Variants in CSMD1 observed in about 807,000 individuals in gnomAD.
The protein encoded by CSMD1 is CUB and sushi domain-containing protein 1.
Under a neutral mutation model 417.5 loss-of-function variants are expected in CSMD1, and 213 were observed. The observed-to-expected ratio is 0.51, with a 90% confidence interval of 0.46 to 0.57. The LOEUF is 0.57. Ranked by LOEUF, CSMD1 falls within the 20% of genes least tolerant of loss-of-function variation. The pLI is 0.00. For missense variants in CSMD1, 6,923 were observed against 4,529.7 expected, an observed-to-expected ratio of 1.53 and a Z score of -15.17; for synonymous variants, 2,862 against 1,736.8, an observed-to-expected ratio of 1.65 and a Z score of -16.11.
intron 8 of CSMD1, among the ~76,000 whole-genome samples, chr8:3,605,697 G>A (rs375676833): frequency 1.3e-3 from 195 of 152,190 alleles, no homozygotes; most frequent in African/African-American, 4.5e-3. Context: ...AATATGCTAA[G>A]ACAAAGAACA....
intron 26 of CSMD1, among the ~76,000 whole-genome samples, chr8:3,243,819 ATATT>A (rs1221545911): frequency 2.7e-5 from 4 of 148,304 alleles, no homozygotes; most frequent in East Asian, 1.9e-4. Context: ...GATGAATATT[ATATT>A]TATATGTATA....
At chr8:3,877,451 C>G (rs1023816893) in intron 5 of CSMD1, among the ~76,000 whole-genome samples, 2 of 152,184 alleles carry the variant, frequency 1.3e-5, no homozygotes, top group African/African-American at 4.8e-5. Flanking sequence ...TTCTCTTAAT[C>G]TAGCAGGCCC....
intron 41 of CSMD1, among the ~76,000 whole-genome samples, chr8:3,140,972 G>C (rs758260562): frequency 1.3e-5 from 2 of 152,068 alleles, no homozygotes; most frequent in Non-Finnish European, 2.9e-5. Context: ...AACAATGCAG[G>C]TACCCATTAT....
chr8:4,748,858 T>C (rs1811125973), intron 1 of CSMD1, among the ~76,000 whole-genome samples: 1 of 152,266 alleles, frequency 6.6e-6, no homozygotes, highest in Non-Finnish European at 1.5e-5. Flanking sequence ...CATACGCCCC[T>C]TCAGGAGAGT....
At chr8:4,228,410 G>C (rs1327111007) in intron 3 of CSMD1, among the ~76,000 whole-genome samples, 2 of 151,846 alleles carry the variant, frequency 1.3e-5, no homozygotes, top group Non-Finnish European at 2.9e-5. Context: ...CCCATATTTT[G>C]CTGAATTTAA....
At chr8:4,350,908 C>T (rs1303126899) in intron 3 of CSMD1, among the ~76,000 whole-genome samples, 3 of 152,116 alleles carry the variant, frequency 2.0e-5, no homozygotes, top group African/African-American at 4.8e-5. Context: ...TAAGGTGGGC[C>T]GTGCTTACAG....
At chr8:4,461,559 G>C (rs1221717723) in intron 2 of CSMD1, among the ~76,000 whole-genome samples, 1 of 148,350 alleles carries the variant, frequency 6.7e-6, no homozygotes, top group African/African-American at 2.6e-5. Context: ...GGTGGGTGGG[G>C]GTGGGGTGTT....
At chr8:4,010,359 A>T (rs750136616) in intron 4 of CSMD1, among the ~76,000 whole-genome samples, 8 of 152,176 alleles carry the variant, frequency 5.3e-5, no homozygotes, top group Admixed American at 2.6e-4. Flanking sequence ...TATTCCAAGA[A>T]GATTTAAACT....
At chr8:4,598,533 G>A (rs562265829) in intron 2 of CSMD1, among the ~76,000 whole-genome samples, 1 of 152,144 alleles carries the variant, frequency 6.6e-6, no homozygotes, top group African/African-American at 2.4e-5. Flanking sequence ...TAGTTACAAT[G>A]TATCTGCCAA....
intron 2 of CSMD1, among the ~76,000 whole-genome samples, chr8:4,628,887 C>T (rs17070890): frequency 0.08 from 12,214 of 152,126 alleles, 751 homozygotes; most frequent in East Asian, 0.26. Flanking sequence ...AGTTTTTACA[C>T]GCCTTTTATT....
intron 20 of CSMD1, among the ~76,000 whole-genome samples, chr8:3,366,177 G>C (rs989014641): frequency 6.6e-6 from 1 of 152,192 alleles, no homozygotes; most frequent in Non-Finnish European, 1.5e-5. Flanking sequence ...ATGCACAAAT[G>C]CAAGTTAATA....
At chr8:2,982,852 T>C (rs1563204588) in intron 54 of CSMD1, among the ~76,000 whole-genome samples, 1 of 152,146 alleles carries the variant, frequency 6.6e-6, no homozygotes, top group East Asian at 1.9e-4. Context: ...TCTCCAGCTG[T>C]TGATCAATAG....
intron 26 of CSMD1, among the ~76,000 whole-genome samples, chr8:3,273,139 G>A (rs1396290638): frequency 1.3e-5 from 2 of 151,558 alleles, no homozygotes; most frequent in Non-Finnish European, 2.9e-5. Context: ...TTTTTAGTAT[G>A]AAAGGTTGTT....
intron 2 of CSMD1, among the ~76,000 whole-genome samples, chr8:4,440,687 G>C (rs1359697732): frequency 6.6e-6 from 1 of 152,166 alleles, no homozygotes; most frequent in Non-Finnish European, 1.5e-5. Context: ...TCACATCAAT[G>C]TATTATTTTA....
intron 12 of CSMD1, among the ~76,000 whole-genome samples, chr8:3,438,135 G>C (rs1814697016): frequency 6.6e-6 from 1 of 152,074 alleles, no homozygotes; most frequent in Non-Finnish European, 1.5e-5. Context: ...TCTGTGATTT[G>C]GTAAATAATT....
intron 3 of CSMD1, among the ~76,000 whole-genome samples, chr8:4,140,560 A>C (rs1272589302): frequency 2.7e-5 from 4 of 150,940 alleles, no homozygotes; most frequent in Non-Finnish European, 5.9e-5. Flanking sequence ...CTCAGCTACT[A>C]GGGAGGCTAA....
At chr8:3,635,039 G>A (rs1162499943) in intron 7 of CSMD1, among the ~76,000 whole-genome samples, 1 of 150,266 alleles carries the variant, frequency 6.7e-6, no homozygotes, top group East Asian at 2.0e-4. Context: ...TAAAAACACT[G>A]TTTAATGATA....
At chr8:3,508,260 G>T (rs1364860213) in intron 10 of CSMD1, among the ~76,000 whole-genome samples, 2 of 151,644 alleles carry the variant, frequency 1.3e-5, no homozygotes, top group South Asian at 4.2e-4. Context: ...GACAGATGAT[G>T]CAAGACATAG....
chr8:3,298,216 G>T lies in CSMD1; in HGVS notation c.3950+9479C>A, dbSNP rs556196053. ...GGAAGGTAGGATTCACCATTACCCA[G>T]CAATTCCTGGCCTCAGTGTATACCC... On this transcript the variant is annotated intron_variant, in intron 25 of 69. Coordinates refer to ENST00000635120, the MANE Select transcript of CSMD1 (RefSeq NM_033225.6). 8.5e-5 allele frequency among the ~76,000 whole-genome samples: 13 copies of T among 152,240 alleles called. No homozygotes were observed. In the East Asian group the frequency reaches 1.7e-3, roughly 20 times the overall value.
Sources: gnomAD v4.1 joint callset for allele counts (sites outside exome capture counted in the v4.1 genomes callset) on GRCh38, gnomAD v4.1.1 for gene constraint, MANE v1.5 for transcripts, NCBI Gene and HGNC (gene_info 2026-07-23, HGNC 2026-07-21) for gene names.